The following SNX15 variants were observed in gnomAD, a reference collection of about 807,000 sequenced individuals.
SNX15 encodes the protein sorting nexin-15.
A neutral mutation model predicts 35.2 loss-of-function variants in SNX15; 29 were observed. That is an observed-to-expected ratio of 0.82 (90% CI 0.61 to 1.12). The LOEUF is 1.12. SNX15 is among the 50% of genes most tolerant of loss of function. The pLI is 0.00. For synonymous variants in SNX15, 189 were observed against 188.2 expected (o/e 1.00, Z -0.03); for missense variants, 400 against 451.5 (o/e 0.89, Z 1.03).
rs747933570 is a variant in SNX15 at position 65,032,509 on chromosome 11, C to T, written c.214C>T (p.Arg72Cys). The T allele has an allele frequency of 9.9e-6, 16 of 1,614,024 alleles. No individual in the cohort carries two copies. Among genetic ancestry groups the T allele is most frequent in the South Asian group, 4.4e-5 (4 of 91,090 alleles). ...CTACACCCACCGCAACCTCTTCCGC[C>T]GCCTCGAGGAGTTCCCTGCTTTCCC... ...LAYTHRNLFR[R>C]LEEFPAFPRA... The change falls in exon 3 of 8, where the codon CGC (arginine) becomes TGC (cysteine). Residue 72 changes from arginine to cysteine, a missense_variant. Transcript: ENST00000377244.
At chr11:65,038,517 A>G (rs539220338) in intron 6 of SNX15, 55 bp from the exon 7 acceptor site, 19 of 1,498,898 alleles carry the variant, frequency 1.3e-5, no homozygotes, top group Non-Finnish European at 1.7e-5. Flanking sequence ...GGTTGGGCAG[A>G]GGGCCTGGGA....
intron 7 of SNX15, 85 bp downstream of exon 7, chr11:65,038,914 G>T: frequency 8.3e-7 from 1 of 1,202,216 alleles, no homozygotes; most frequent in South Asian, 1.8e-5. Flanking sequence ...GCAAATCACG[G>T]ATCAGGAGCC....
rs1389741644 is a variant in SNX15 at position 65,027,565 on chromosome 11, C to G, written c.28C>G (p.Leu10Val). 2.5e-6 allele frequency: 4 copies of G among 1,614,118 alleles called. No homozygotes were observed. Among genetic ancestry groups the G allele is most frequent in the Non-Finnish European group, 3.4e-6 (4 of 1,180,012 alleles). The change falls in exon 1 of 8, where the codon CTG (leucine) becomes GTG (valine). Residue 10 changes from leucine to valine, a missense_variant. Physicochemically the swap from Leu to Val is conservative, Grantham distance 32 (BLOSUM62 1). Transcript: ENST00000377244. MSRQAKDDF[L>V]RHYTVSDPRT... is the part of the protein sequence containing the mutation. ...GTCCCGCCAGGCGAAGGATGACTTC[C>G]TGCGGCACTACACAGTGTCGGACCC... is the stretch of plus-strand genomic sequence containing the variant.
intron 1 of SNX15, among the ~76,000 whole-genome samples, chr11:65,030,868 A>C (rs1021468901): frequency 6.6e-6 from 1 of 152,288 alleles, no homozygotes. Context: ...TGTCAAAAGC[A>C]AAGTCCAGGG....
intron 2 of SNX15, 70 bp from the exon 3 acceptor site, chr11:65,032,361 G>T: frequency 6.2e-7 from 1 of 1,611,030 alleles, no homozygotes; most frequent in Admixed American, 1.7e-5. Context: ...GCCCCCTGGG[G>T]GCAGGCTAGG....
rs753284419 is a variant in SNX15, at chr11:65,039,840, C to G, written c.*48C>G. The G allele has an allele frequency of 7.6e-7, 1 of 1,311,600 alleles. No individual in the cohort carries two copies. Among genetic ancestry groups the G allele is most frequent in the Non-Finnish European group, 1.1e-6 (1 of 921,682 alleles). 81.2% of individuals were successfully genotyped at this position (1,311,600 alleles called of 1,614,324 possible). A position where few individuals can be genotyped will look rare whatever the true frequency, so the allele number is the denominator to read the frequency against. ...GACTCTCGCTCCTGCACTGCCAGCCCCTTCTCCTCTCCCCAGGGCCTGGCC... is the reference window on the plus strand; with the variant it reads ...GACTCTCGCTCCTGCACTGCCAGCCGCTTCTCCTCTCCCCAGGGCCTGGCC... On this transcript the variant is annotated 3_prime_UTR_variant, in exon 8 of 8. Transcript: ENST00000377244.
In SNX15 at chr11:65,032,435, T is replaced by G; in HGVS notation, c.140T>G (p.Val47Gly). The change falls in exon 3 of 8, where the codon GTG (valine) becomes GGG (glycine). Residue 47 changes from valine to glycine, a missense_variant. Transcript: ENST00000377244. ...CAAGTCTCATGTACCTCATAGGTGG[T>G]GGTCTGGAAGCGGTACAGCGACTTC... is the stretch of plus-strand genomic sequence containing the variant. ...KKDPEDVKEV[V>G]VWKRYSDFRK... is the part of the protein sequence containing the mutation. 1 of 1,614,050 alleles carries G rather than the reference T, an allele frequency of 6.2e-7. No individual in the cohort carries two copies. Among genetic ancestry groups the G allele is most frequent in the Non-Finnish European group, 8.5e-7 (1 of 1,180,000 alleles).
intron 6 of SNX15, chr11:65,038,311 C>A: frequency 8.6e-7 from 1 of 1,166,686 alleles, no homozygotes; most frequent in South Asian, 4.2e-5. Flanking sequence ...GACCAGTGAC[C>A]CAGAGCTTAC....
rs368210489 is a variant in SNX15, at chr11:65,038,138, TC to T, written c.665-433del. The T allele has an allele frequency of 3.2e-4, 136 of 423,264 alleles. 1 individual carries two copies. The highest frequency in any genetic ancestry group is 2.8e-3 in the African/African-American group (129 of 46,526). The allele number at this position is 423,264 out of a possible 1,614,324, so 26.2% of individuals were successfully genotyped here. ...GGGCCTCAGCTGAAACTGCAAGGCT[TC>T]AGAAAACCCCTGAGATTCTCTAAGT... On this transcript the variant is annotated intron_variant, in intron 6 of 7. Coordinates refer to ENST00000377244, the MANE Select transcript of SNX15 (RefSeq NM_013306.5).
chr11:65,029,214 A>G (rs535999131), intron 1 of SNX15, among the ~76,000 whole-genome samples: 3 of 152,012 alleles, frequency 2.0e-5, no homozygotes, highest in African/African-American at 7.2e-5. Context: ...ACTGGAGTGA[A>G]GTGACTCGAT....
intron 1 of SNX15, among the ~76,000 whole-genome samples, chr11:65,030,000 G>C (rs891214625): frequency 6.6e-6 from 1 of 152,068 alleles, no homozygotes; most frequent in Non-Finnish European, 1.5e-5. Context: ...CCATCCTCTT[G>C]CCTCAGCCTC....
Position 65,027,616 on chromosome 11 carries a change from G to A in SNX15, c.79G>A (p.Glu27Lys), listed in dbSNP as rs1249232728. ...CAGGACTCACCCCAAGGGCTACACC[G>A]AGTACAAAGTAACCGCGCAGGTGAG... The part of the protein sequence containing the change: ...DPRTHPKGYT[E>K]YKVTAQFISK... The change falls in exon 1 of 8, where the codon GAG (glutamate) becomes AAG (lysine). Residue 27 changes from glutamate (E) to lysine (K), a missense_variant. By Grantham distance (56) the Glu-to-Lys change is moderately conservative. Coordinates refer to ENST00000377244, the MANE Select transcript of SNX15 (RefSeq NM_013306.5). The A allele has an allele frequency of 1.2e-5, 20 of 1,613,688 alleles. No individual in the cohort carries two copies. Among genetic ancestry groups the A allele is most frequent in the Non-Finnish European group, 1.7e-5 (20 of 1,179,776 alleles).
chr11:65,032,652 G>A (rs1590739464), intron 3 of SNX15, 101 bp downstream of exon 3: 11 of 1,451,998 alleles, frequency 7.6e-6, no homozygotes, highest in East Asian at 4.5e-5. Flanking sequence ...CTGAAACCCT[G>A]GGCAGAGTCA....
At chr11:65,029,120 A>AATAAATAAATAC (rs1946409722) in intron 1 of SNX15, among the ~76,000 whole-genome samples, 1 of 151,632 alleles carries the variant, frequency 6.6e-6, no homozygotes, top group African/African-American at 2.4e-5. Context: ...TAAATAAATA[A>AATAAATAAATAC]ATAAATAAAA....
At chr11:65,028,990 C>T (rs985658721) in intron 1 of SNX15, among the ~76,000 whole-genome samples, 59 of 152,026 alleles carry the variant, frequency 3.9e-4, no homozygotes, top group Admixed American at 2.5e-3. Context: ...ACTCGGGAGG[C>T]TGAGGTAGAA....
intron 3 of SNX15, 151 bp downstream of exon 3, chr11:65,032,702 T>C (rs1300787692): frequency 1.1e-6 from 1 of 898,496 alleles, no homozygotes; most frequent in African/African-American, 1.7e-5. Flanking sequence ...ATTTGACAGA[T>C]GGGGAAACTG....
At position 65,038,662 on chromosome 11, in the gene SNX15, G is replaced by C; in HGVS notation, c.755G>C (p.Gly252Ala). The C allele has an allele frequency of 6.2e-7, 1 of 1,612,868 alleles. No individual in the cohort carries two copies. Among genetic ancestry groups the C allele is most frequent in the Non-Finnish European group, 8.5e-7 (1 of 1,179,538 alleles). ...CTGGACCAGGAACCCTGGGAGCCAG[G>C]AGGGCAGGAGGAGGAAGAGGATGGG... is the stretch of plus-strand genomic sequence containing the variant. ...ARLDQEPWEP[G>A]GQEEEEDGEG... Residue 252 changes from glycine to alanine, a missense_variant, in exon 7 of 8, where the codon GGA becomes GCA. Transcript: ENST00000377244.
rs495935 is a variant in SNX15, at chr11:65,039,806, A to C, written c.*14A>C. 145,201 of 1,568,922 alleles carry C rather than the reference A, an allele frequency of 0.093. 8,212 individuals are homozygous for C. The highest frequency in any genetic ancestry group is 0.21 in the South Asian group (18,405 of 88,290). ...CTCCCACCCTAACAGGGAGTGGGCCATTCCCTGGGACTCTCGCTCCTGCAC... is the reference window on the plus strand; with the variant it reads ...CTCCCACCCTAACAGGGAGTGGGCCCTTCCCTGGGACTCTCGCTCCTGCAC... On this transcript the variant is annotated 3_prime_UTR_variant, in exon 8 of 8. Transcript: ENST00000377244.
rs745425751 is a variant in SNX15, at chr11:65,038,794, G to A, written c.887G>A (p.Arg296Gln). Reference sequence around the variant, plus strand: ...TACGCTGCTGCACTCCAGGGCTATCGAGACGGCGTGCACGTCTTGCTTCAG... The same window carrying A: ...TACGCTGCTGCACTCCAGGGCTATCAAGACGGCGTGCACGTCTTGCTTCAG... ...GAYAAALQGY[R>Q]DGVHVLLQGV... Residue 296 changes from arginine (R) to glutamine (Q), a missense_variant, in exon 7 of 8, where the codon CGA becomes CAA. Physicochemically the swap from Arg to Gln is conservative, Grantham distance 43. Coordinates refer to ENST00000377244, the MANE Select transcript of SNX15 (RefSeq NM_013306.5). 15 of 1,597,300 alleles carry A rather than the reference G, an allele frequency of 9.4e-6. No homozygotes were observed. The highest frequency in any genetic ancestry group is 1.8e-5 in the Admixed American group (1 of 56,626).
Sources: gnomAD v4.1 joint callset for allele counts (sites outside exome capture counted in the v4.1 genomes callset) on GRCh38, gnomAD v4.1.1 for gene constraint, MANE v1.5 for transcripts, NCBI Gene and HGNC (gene_info 2026-07-23, HGNC 2026-07-21) for gene names.